ECM1: variants seen among roughly 807,000 people sequenced by gnomAD.
ECM1 encodes extracellular matrix protein 1, also known as secretory component p85.
In ECM1, 54 loss-of-function variants were observed where a neutral mutation model predicts 57.9. The ratio of observed to expected loss-of-function variants is 0.93; its 90% confidence interval spans 0.75 to 1.17. ECM1 has a LOEUF of 1.17. ECM1 is among the 50% of genes most tolerant of loss of function. The probability of loss-of-function intolerance (pLI) is 0.00; values close to 1 mark genes in which losing one functional copy is unlikely to be tolerated. For missense variants in ECM1, 649 were observed against 688.1 expected, an observed-to-expected ratio of 0.94 and a Z score of 0.64; for synonymous variants, 237 against 259.1, an observed-to-expected ratio of 0.91 and a Z score of 0.82.
In ECM1 at chr1:150,509,590, T is replaced by G. The variant is rs765812719; in HGVS notation, c.121+9T>G. ...AGAGCACTTTCAAGAAGGTAAGAGT[T>G]TGGGGGAGCAGCATGGGATTGGGAC... On this transcript the variant is annotated intron_variant, in intron 2 of 9. Coordinates refer to ENST00000369047, the MANE Select transcript of ECM1 (RefSeq NM_004425.4). The G allele has an allele frequency of 6.2e-7, 1 of 1,614,052 alleles. No individual in the cohort carries two copies. Among genetic ancestry groups the G allele is most frequent in the Admixed American group, 1.7e-5 (1 of 60,000 alleles).
chr1:150,510,619 G>A (rs1000069549), intron 5 of ECM1: 2 of 594,040 alleles, frequency 3.4e-6, no homozygotes, highest in Non-Finnish European at 6.0e-6. Context: ...CAGGACCCTG[G>A]GGAGAGGAGC....
chr1:150,510,835 C>T (rs1670417219), intron 5 of ECM1, 41 bp from the exon 6 acceptor site: 1 of 1,604,590 alleles, frequency 6.2e-7, no homozygotes, highest in East Asian at 2.2e-5. Flanking sequence ...TTTGTGGGTT[C>T]CTTCACATGT....
chr1:150,510,371 T>C lies in ECM1; in HGVS notation c.385+189T>C, dbSNP rs139793095. The C allele has an allele frequency of 7.5e-5, 47 of 628,280 alleles. No homozygotes were observed. The African/African-American group carries it at 7.9e-4, about 11-fold the overall frequency. 38.9% of individuals were successfully genotyped at this position (628,280 alleles called of 1,614,324 possible). ...AGGATATACCTGTTTTAGAAAGTTA[T>C]GTGATTAGATGTGCAAAAATAGCAT... is the stretch of plus-strand genomic sequence containing the variant. On this transcript the variant is annotated intron_variant, in intron 5 of 9. Coordinates refer to ENST00000369047, the MANE Select transcript of ECM1 (RefSeq NM_004425.4).
In ECM1 at chr1:150,508,353, C is replaced by T. The variant is rs587672942; in HGVS notation, c.70+74C>T. ...GGGGTCTGGGTCCAGGCATCCCAGA[C>T]GGCTCATCACTAGCAGAGTGATTCT... is the stretch of plus-strand genomic sequence containing the variant. On this transcript the variant is annotated intron_variant, in intron 1 of 9. Coordinates refer to ENST00000369047, the MANE Select transcript of ECM1 (RefSeq NM_004425.4). 212 of 1,365,856 alleles carry T rather than the reference C, an allele frequency of 1.6e-4. 3 individuals carry two copies. The Admixed American group carries it at 2.0e-3, about 13-fold the overall frequency. The allele number at this position is 1,365,856 out of a possible 1,614,324, so 84.6% of individuals were successfully genotyped here.
chr1:150,513,101 C>CT, intron 9 of ECM1, 136 bp from the exon 10 acceptor site: 1 of 957,142 alleles, frequency 1.0e-6, no homozygotes, highest in Non-Finnish European at 1.6e-6. Context: ...CTTGTACTCT[C>CT]TCTGGGCCCC....
intron 1 of ECM1, among the ~76,000 whole-genome samples, chr1:150,508,885 C>T (rs1054365937): frequency 6.6e-6 from 1 of 152,226 alleles, no homozygotes; most frequent in East Asian, 1.9e-4. Context: ...GTCCACTTCT[C>T]TGTGAAGCCC....
Position 150,512,610 on chromosome 1 carries a change from C to T in ECM1, c.1304+38C>T, listed in dbSNP as rs780807888. 57 of 1,613,290 alleles carry T rather than the reference C, an allele frequency of 3.5e-5. No homozygotes were observed. In the Admixed American group the frequency reaches 6.5e-4, roughly 18 times the overall value. On this transcript the variant is annotated intron_variant, in intron 8 of 9. Transcript: ENST00000369047. ...GTCCTTCCCCACTCTCTTCCTTTCC[C>T]GAAAACTTCCTTTTGGGACACCTTT...
rs751451903 is a variant in ECM1, at chr1:150,508,296, G to C, written c.70+17G>C. On this transcript the variant is annotated intron_variant, in intron 1 of 9. Transcript: ENST00000369047. Reference sequence around the variant, plus strand: ...CTGAGGGAGGTGAGTTGGGGGATCAGCACTTAGGAGGGGGTCTGGGCTTGC... The same window carrying C: ...CTGAGGGAGGTGAGTTGGGGGATCACCACTTAGGAGGGGGTCTGGGCTTGC... 1 of 1,612,144 alleles carries C rather than the reference G, an allele frequency of 6.2e-7. No homozygotes were observed. Among genetic ancestry groups the C allele is most frequent in the South Asian group, 1.1e-5 (1 of 91,058 alleles).
At chr1:150,508,374 A>AT in intron 1 of ECM1, 95 bp downstream of exon 1, 1 of 1,252,126 alleles carries the variant, frequency 8.0e-7, no homozygotes, top group South Asian at 1.2e-5. Context: ...TAGCAGAGTG[A>AT]TTCTCCGTTT....
At chr1:150,508,961 C>A (rs587771986) in intron 1 of ECM1, among the ~76,000 whole-genome samples, 99 of 152,230 alleles carry the variant, frequency 6.5e-4, no homozygotes, top group African/African-American at 2.4e-3. Flanking sequence ...TGACCCTTCC[C>A]TGTGCCTGTC....
In ECM1 at chr1:150,510,953, C is replaced by T. The variant is rs758112310; in HGVS notation, c.463C>T (p.Arg155Trp). The change falls in exon 6 of 10, where the codon CGG becomes TGG. Residue 155 changes from arginine to tryptophan, a missense_variant. By Grantham distance (101) the Arg-to-Trp change is moderately radical (BLOSUM62 -3). Coordinates refer to ENST00000369047, the MANE Select transcript of ECM1 (RefSeq NM_004425.4). ...TGCAGCCCAGCACTGCCAACAGGAC[C>T]GGTCCCAAGGGGGCTGGGGCCACCG... ...WNAAQHCQQDRSQGGWGHRLD... is the reference protein window; with the variant it reads ...WNAAQHCQQDWSQGGWGHRLD... 27 of 1,614,192 alleles carry T rather than the reference C, an allele frequency of 1.7e-5. No homozygotes were observed. Among genetic ancestry groups the T allele is most frequent in the South Asian group, 5.5e-5 (5 of 91,084 alleles).
In ECM1 at chr1:150,513,780, C is replaced by G. The variant is rs933370295; in HGVS notation, c.*313C>G. On this transcript the variant is annotated 3_prime_UTR_variant, in exon 10 of 10. Coordinates refer to ENST00000369047, the MANE Select transcript of ECM1 (RefSeq NM_004425.4). ...GTGGGATGCGACCATAACTAAACAG[C>G]TTGACGTCACTTTGCCATCTTGAAT... 3 of 259,206 alleles carry G rather than the reference C, an allele frequency of 1.2e-5. No homozygotes were observed. Among genetic ancestry groups the G allele is most frequent in the Non-Finnish European group, 2.2e-5 (3 of 134,122 alleles). The allele number at this position is 259,206 out of a possible 1,614,324, so 16.1% of individuals were successfully genotyped here. A position where few individuals can be genotyped will look rare whatever the true frequency, so the allele number is the denominator to read the frequency against.
chr1:150,513,052 C>T (rs1670486675), intron 9 of ECM1, among the ~76,000 whole-genome samples, 185 bp from the exon 10 acceptor site: 1 of 152,146 alleles, frequency 6.6e-6, no homozygotes, highest in East Asian at 1.9e-4. Flanking sequence ...CAGATGTACA[C>T]ATTTGTCAGT....
Position 150,510,989 on chromosome 1 carries a change from T to A in ECM1, c.499T>A (p.Phe167Ile), listed in dbSNP as rs121909116. The part of the protein sequence containing the change: ...QGGWGHRLDG[F>I]PPGRPSPDNL... ...GGGCTGGGGCCACCGGCTGGATGGCTTCCCCCCTGGGCGGCCTTCTCCAGA... is the reference window on the plus strand; with the variant it reads ...GGGCTGGGGCCACCGGCTGGATGGCATCCCCCCTGGGCGGCCTTCTCCAGA... Residue 167 changes from phenylalanine to isoleucine, a missense_variant, in exon 6 of 10, where the codon TTC (phenylalanine) becomes ATC (isoleucine). Phe to Ile is a conservative substitution (Grantham distance 21). Coordinates refer to ENST00000369047, the MANE Select transcript of ECM1 (RefSeq NM_004425.4). 22 of 1,614,034 alleles carry A rather than the reference T, an allele frequency of 1.4e-5. No homozygotes were observed. The highest frequency in any genetic ancestry group is 1.7e-5 in the Non-Finnish European group (20 of 1,180,014).
intron 1 of ECM1, among the ~76,000 whole-genome samples, chr1:150,509,055 C>T (rs1013177313): frequency 6.6e-6 from 1 of 152,182 alleles, no homozygotes; most frequent in East Asian, 1.9e-4. Context: ...CTTCAGGAAG[C>T]CTCCTTAACC....
At chr1:150,513,115 A>C in intron 9 of ECM1, 122 bp from the exon 10 acceptor site, 1 of 1,040,748 alleles carries the variant, frequency 9.6e-7, no homozygotes. Context: ...GGGCCCCAGG[A>C]GGGGAACGAG....
chr1:150,511,145 C>T lies in ECM1; in HGVS notation c.655C>T (p.Arg219Cys), dbSNP rs1461591997. ...TLNFLEIGYS[R>C]CCHCRSHTNR... ...CAATTTCCTGGAGATTGGATATTCCCGCTGCTGCCACTGCCGCAGCCACAC... is the reference window on the plus strand; with the variant it reads ...CAATTTCCTGGAGATTGGATATTCCTGCTGCTGCCACTGCCGCAGCCACAC... Residue 219 changes from arginine (R) to cysteine (C), a missense_variant, in exon 6 of 10, where the codon CGC becomes TGC. Arg to Cys is a radical substitution (Grantham distance 180). Transcript: ENST00000369047. The T allele has an allele frequency of 1.1e-5, 18 of 1,614,124 alleles. No individual in the cohort carries two copies. Among genetic ancestry groups the T allele is most frequent in the East Asian group, 2.2e-5 (1 of 44,902 alleles).
rs754641212 is a variant in ECM1, at chr1:150,510,168, A to G, written c.371A>G (p.Asn124Ser). Residue 124 changes from asparagine to serine, a missense_variant, in exon 5 of 10, where the codon AAT becomes AGT. Coordinates refer to ENST00000369047, the MANE Select transcript of ECM1 (RefSeq NM_004425.4). ...GAGCTGCCCTCTCTCCAGCACCCCA[A>G]TGAACAGAAGGAAGGTAAGCAGCTC... is the stretch of plus-strand genomic sequence containing the variant. ...QKELPSLQHP[N>S]EQKEGTPAPF... 4.9e-5 allele frequency: 79 copies of G among 1,613,804 alleles called. No individual in the cohort carries two copies. Among genetic ancestry groups the G allele is most frequent in the Non-Finnish European group, 6.4e-5 (75 of 1,179,904 alleles).
Position 150,511,028 on chromosome 1 carries a change from A to T in ECM1, c.538A>T (p.Ile180Phe). Residue 180 changes from isoleucine to phenylalanine, a missense_variant, in exon 6 of 10, where the codon ATC becomes TTC. Coordinates refer to ENST00000369047, the MANE Select transcript of ECM1 (RefSeq NM_004425.4). ...GCCTTCTCCAGACAATCTGAACCAA[A>T]TCTGCCTTCCTAACCGTCAGCATGT... Reference protein sequence around the residue: ...GRPSPDNLNQICLPNRQHVVY... With the variant: ...GRPSPDNLNQFCLPNRQHVVY... The T allele has an allele frequency of 6.2e-7, 1 of 1,614,096 alleles. No individual in the cohort carries two copies. The highest frequency in any genetic ancestry group is 2.2e-5 in the East Asian group (1 of 44,874).
Sources: allele counts gnomAD v4.1 joint callset (sites outside exome capture counted in the v4.1 genomes callset), GRCh38; gene constraint gnomAD v4.1.1; transcripts MANE v1.5; gene names NCBI Gene and HGNC (gene_info 2026-07-23, HGNC 2026-07-21).